CDH13: variants seen among roughly 807,000 people sequenced by gnomAD.
CDH13 encodes cadherin 13.
A neutral mutation model predicts 63.8 loss-of-function variants in CDH13; 24 were observed. That is an observed-to-expected ratio of 0.38 (90% CI 0.27 to 0.53). The LOEUF is 0.53. Ranked by LOEUF, CDH13 falls within the 20% of genes least tolerant of loss-of-function variation. CDH13 has a pLI of 0.85. For synonymous variants in CDH13, 503 were observed against 355.3 expected, an observed-to-expected ratio of 1.42 and a Z score of -4.67; for missense variants, 1,049 against 903.1, an observed-to-expected ratio of 1.16 and a Z score of -2.07.
At chr16:82,740,493 C>G (rs1297320641) in intron 1 of CDH13, among the ~76,000 whole-genome samples, 1 of 152,146 alleles carries the variant, frequency 6.6e-6, no homozygotes, top group East Asian at 1.9e-4. Context: ...GTTAGCCGTT[C>G]CTATAATAAT....
At chr16:83,233,626 C>T (rs989902899) in intron 5 of CDH13, among the ~76,000 whole-genome samples, 1 of 152,182 alleles carries the variant, frequency 6.6e-6, no homozygotes, top group Non-Finnish European at 1.5e-5. Context: ...CTCATGACTG[C>T]TTCCTCCATC....
chr16:83,701,670 G>A (rs1906251036), intron 10 of CDH13, among the ~76,000 whole-genome samples: 2 of 152,056 alleles, frequency 1.3e-5, no homozygotes, highest in South Asian at 2.1e-4. Context: ...CAACCCCTGC[G>A]CCCTTATCCT....
intron 7 of CDH13, among the ~76,000 whole-genome samples, chr16:83,551,493 C>T (rs1330315908): frequency 6.6e-6 from 1 of 152,224 alleles, no homozygotes. Context: ...CCTTCCCAGC[C>T]TTGGGTTAAC....
chr16:83,196,013 TGG>T (rs2038867927), intron 4 of CDH13, among the ~76,000 whole-genome samples: 1 of 152,168 alleles, frequency 6.6e-6, no homozygotes, highest in African/African-American at 2.4e-5. Flanking sequence ...CCCAGCACTT[TGG>T]GAGGCCGAGG....
intron 3 of CDH13, among the ~76,000 whole-genome samples, chr16:83,066,414 G>T (rs965617981): frequency 6.6e-6 from 1 of 152,136 alleles, no homozygotes; most frequent in Non-Finnish European, 1.5e-5. Flanking sequence ...TAAACAAAAG[G>T]CAACGAGTTG....
intron 7 of CDH13, among the ~76,000 whole-genome samples, chr16:83,523,490 C>A (rs1567735111): frequency 6.6e-6 from 1 of 152,186 alleles, no homozygotes; most frequent in Non-Finnish European, 1.5e-5. Context: ...TCACCTCCCA[C>A]CCTGGAATCC....
chr16:83,376,058 A>G (rs188881381), intron 6 of CDH13, among the ~76,000 whole-genome samples: 267 of 152,312 alleles, frequency 1.8e-3, no homozygotes, highest in African/African-American at 6.1e-3. Flanking sequence ...TGTATTGTGA[A>G]GAATCTTTCT....
intron 6 of CDH13, among the ~76,000 whole-genome samples, chr16:83,374,409 A>G (rs897246975): frequency 1.3e-5 from 2 of 152,172 alleles, no homozygotes; most frequent in African/African-American, 2.4e-5. Context: ...CTTTTCATGC[A>G]TGCCTTTAAA....
At chr16:83,184,250 C>T (rs1270688542) in intron 4 of CDH13, among the ~76,000 whole-genome samples, 1 of 152,002 alleles carries the variant, frequency 6.6e-6, no homozygotes, top group Non-Finnish European at 1.5e-5. Context: ...GCCAAGATTT[C>T]TCTACGGTGC....
intron 5 of CDH13, among the ~76,000 whole-genome samples, chr16:83,232,770 G>GT (rs2040040923): frequency 7.5e-6 from 1 of 133,678 alleles, no homozygotes; most frequent in South Asian, 2.3e-4. Context: ...CCACTCTCGG[G>GT]TATTTTTTTA....
At chr16:83,652,428 C>T (rs1310174287) in intron 8 of CDH13, among the ~76,000 whole-genome samples, 1 of 152,096 alleles carries the variant, frequency 6.6e-6, no homozygotes, top group Non-Finnish European at 1.5e-5. Flanking sequence ...GCTGTGAGTG[C>T]CATGCTGGGG....
In CDH13 at chr16:83,742,055, C is replaced by T. The variant is rs562962763; in HGVS notation, c.1539-6053C>T. Among the ~76,000 whole-genome samples the T allele has an allele frequency of 1.7e-4, 26 of 152,300 alleles. No homozygotes were observed. In the South Asian group the frequency reaches 5.0e-3, roughly 29 times the overall value. On this transcript the variant is annotated intron_variant, in intron 10 of 13. Coordinates refer to ENST00000567109, the MANE Select transcript of CDH13 (RefSeq NM_001257.5). ...CCCTACCTCACAGAAAGCGAGTGAC[C>T]CCAAGAAGCCTGCAGAAGGGACTTG... is the stretch of plus-strand genomic sequence containing the variant.
chr16:82,962,108 A>C (rs1217778152), intron 2 of CDH13, among the ~76,000 whole-genome samples: 2 of 152,228 alleles, frequency 1.3e-5, no homozygotes, highest in Non-Finnish European at 2.9e-5. Flanking sequence ...TTGGCAAAAG[A>C]GTCTTTGCAG....
intron 1 of CDH13, among the ~76,000 whole-genome samples, chr16:82,759,396 A>G (rs2151081167): frequency 6.6e-6 from 1 of 152,260 alleles, no homozygotes; most frequent in East Asian, 1.9e-4. Context: ...ATCAGGAGCT[A>G]ACAGTGTAGG....
At chr16:82,897,436 C>G (rs187858250) in intron 2 of CDH13, among the ~76,000 whole-genome samples, 2 of 152,312 alleles carry the variant, frequency 1.3e-5, no homozygotes, top group East Asian at 3.9e-4. Flanking sequence ...TTATAACTGG[C>G]TCTTCCTCCA....
intron 10 of CDH13, among the ~76,000 whole-genome samples, chr16:83,710,971 C>G (rs890784448): frequency 2.6e-5 from 4 of 152,206 alleles, no homozygotes; most frequent in Non-Finnish European, 5.9e-5. Context: ...CAAAATTCTA[C>G]AGGCATACTG....
At chr16:83,340,057 G>A (rs1030572809) in intron 5 of CDH13, among the ~76,000 whole-genome samples, 5 of 151,924 alleles carry the variant, frequency 3.3e-5, no homozygotes, top group African/African-American at 1.2e-4. Context: ...CCCATCTCTG[G>A]GACCTCTCCA....
chr16:82,694,836 G>A (rs1384408848), intron 1 of CDH13, among the ~76,000 whole-genome samples: 1 of 152,214 alleles, frequency 6.6e-6, no homozygotes, highest in Non-Finnish European at 1.5e-5. Context: ...AAAGTGGACA[G>A]CTGTGGTCTC....
intron 2 of CDH13, among the ~76,000 whole-genome samples, chr16:82,888,467 C>T (rs1304805126): frequency 2.0e-5 from 3 of 152,202 alleles, no homozygotes; most frequent in Non-Finnish European, 2.9e-5. Flanking sequence ...GCAAATGCCC[C>T]AGTGCTCTCT....
Sources: allele counts gnomAD v4.1 joint callset (sites outside exome capture counted in the v4.1 genomes callset), GRCh38; gene constraint gnomAD v4.1.1; transcripts MANE v1.5; gene names NCBI Gene and HGNC (gene_info 2026-07-23, HGNC 2026-07-21).